TMEM39B: variants seen among roughly 807,000 people sequenced by gnomAD.
TMEM39B encodes transmembrane protein 39B.
In TMEM39B, 23 loss-of-function variants were observed where a neutral mutation model predicts 52.2. The ratio of observed to expected loss-of-function variants is 0.44; its 90% CI spans 0.32 to 0.62. TMEM39B has a LOEUF of 0.62. TMEM39B is among the 20% of genes least tolerant of loss of function. The pLI is 0.06. For synonymous variants in TMEM39B, 285 were observed against 264.0 expected (o/e 1.08, Z -0.77); for missense variants, 547 against 642.0 (o/e 0.85, Z 1.60).
chr1:32,083,525 C>T (rs546562396), intron 5 of TMEM39B, among the ~76,000 whole-genome samples: 1 of 138,028 alleles, frequency 7.2e-6, no homozygotes, highest in Non-Finnish European at 1.5e-5. Context: ...CAGTTTCAAG[C>T]GATTTTCCTG....
chr1:32,087,230 A>C (rs962387442), intron 5 of TMEM39B, among the ~76,000 whole-genome samples: 11 of 150,026 alleles, frequency 7.3e-5, no homozygotes, highest in Admixed American at 6.8e-5. Flanking sequence ...ATGCAGGAGA[A>C]TCTCTTGAAC....
At chr1:32,086,050 G>A (rs1296381179) in intron 5 of TMEM39B, among the ~76,000 whole-genome samples, 1 of 152,096 alleles carries the variant, frequency 6.6e-6, no homozygotes, top group Admixed American at 6.6e-5. Context: ...CCGTAGGCCA[G>A]AAAGGGAGTG....
chr1:32,096,687 C>G (rs1170952928), intron 7 of TMEM39B, among the ~76,000 whole-genome samples: 1 of 152,076 alleles, frequency 6.6e-6, no homozygotes, highest in Non-Finnish European at 1.5e-5. Flanking sequence ...TCTCAAACTC[C>G]TGACCTCAGG....
chr1:32,090,919 C>T (rs185572343), intron 5 of TMEM39B, among the ~76,000 whole-genome samples: 2 of 152,202 alleles, frequency 1.3e-5, no homozygotes, highest in East Asian at 1.9e-4. Flanking sequence ...GGATTACAGG[C>T]GTGAGCCACT....
intron 5 of TMEM39B, among the ~76,000 whole-genome samples, chr1:32,078,674 G>A (rs537276116): frequency 6.6e-6 from 1 of 152,098 alleles, no homozygotes; most frequent in Admixed American, 6.6e-5. Context: ...GAGACAGTCT[G>A]ATGTCACCCG....
At chr1:32,101,714 C>G (rs1445381387) in intron 8 of TMEM39B, among the ~76,000 whole-genome samples, 2 of 152,206 alleles carry the variant, frequency 1.3e-5, no homozygotes, top group African/African-American at 4.8e-5. Context: ...GCCTGATATC[C>G]TGGTCTCTTG....
intron 5 of TMEM39B, among the ~76,000 whole-genome samples, chr1:32,090,709 G>A (rs1301745070): frequency 2.0e-5 from 3 of 151,798 alleles, no homozygotes; most frequent in Non-Finnish European, 4.4e-5. Context: ...GCGCGATCTC[G>A]GCTCACTGCA....
chr1:32,073,796 T>C, intron 1 of TMEM39B: 2 of 985,334 alleles, frequency 2.0e-6, no homozygotes, highest in Non-Finnish European at 2.4e-6. Context: ...GGCTCCGAAG[T>C]GTGGGAAACG....
upstream of TMEM39B, chr1:32,072,033 T>G (rs1639673979): frequency 6.6e-6 from 1 of 152,182 alleles, no homozygotes; most frequent in South Asian, 2.1e-4. Context: ...TTCACACCAT[T>G]CCCATCTAAC....
chr1:32,076,358 G>A (rs777927109), intron 3 of TMEM39B: 6 of 334,836 alleles, frequency 1.8e-5, no homozygotes, highest in Admixed American at 3.8e-5. Flanking sequence ...TGATCCACTC[G>A]CCTCAGCCTC....
At chr1:32,073,074 G>C in intron 1 of TMEM39B, 23 bp downstream of exon 1, 6 of 1,462,858 alleles carry the variant, frequency 4.1e-6, no homozygotes, top group Non-Finnish European at 5.4e-6. Context: ...GCTCAGGCTC[G>C]GCCTGGCAAC....
chr1:32,073,923 T>TA (rs967143983), intron 1 of TMEM39B: 53 of 976,608 alleles, frequency 5.4e-5, no homozygotes, highest in Non-Finnish European at 6.3e-5. Context: ...TGTATATATA[T>TA]TTTTTAATAG....
intron 5 of TMEM39B, among the ~76,000 whole-genome samples, chr1:32,078,495 A>C (rs1018920611): frequency 3.3e-5 from 5 of 152,088 alleles, no homozygotes; most frequent in Admixed American, 3.3e-4. Flanking sequence ...AAAAAAAAAA[A>C]ACATTATAAT....
intron 3 of TMEM39B, chr1:32,076,466 C>A (rs1002936400): frequency 2.0e-6 from 1 of 491,666 alleles, no homozygotes; most frequent in Non-Finnish European, 3.8e-6. Flanking sequence ...TACATGAGTG[C>A]TTCAAGGGGA....
In TMEM39B at chr1:32,095,057, T is replaced by A. The variant is rs571558243; in HGVS notation, c.1115+86T>A. Reference sequence around the variant, plus strand: ...TTGTCCACTCGCTGATTAACTTATTTAGTTAGCAAATAGTTATTGAGCGTG... The same window carrying A: ...TTGTCCACTCGCTGATTAACTTATTAAGTTAGCAAATAGTTATTGAGCGTG... On this transcript the variant is annotated intron_variant, in intron 7 of 8. Transcript: ENST00000336294. The A allele has an allele frequency of 1.2e-5, 17 of 1,451,422 alleles. No individual in the cohort carries two copies. The African/African-American group carries it at 2.1e-4, about 18-fold the overall frequency. 89.9% of individuals were successfully genotyped at this position (1,451,422 alleles called of 1,614,324 possible).
chr1:32,074,333 A>G (rs1448591775), intron 1 of TMEM39B, among the ~76,000 whole-genome samples: 3 of 152,094 alleles, frequency 2.0e-5, no homozygotes, highest in Non-Finnish European at 2.9e-5. Context: ...ATGGGGCCCA[A>G]TGTGTACCAG....
chr1:32,088,126 CA>C (rs1335353344), intron 5 of TMEM39B, among the ~76,000 whole-genome samples: 41 of 102,696 alleles, frequency 4.0e-4, no homozygotes, highest in Admixed American at 5.0e-4. Context: ...ACTCCATCTC[CA>C]AAAAAAAAAG....
At chr1:32,099,322 G>T (rs187561151) in intron 7 of TMEM39B, among the ~76,000 whole-genome samples, 31 of 152,120 alleles carry the variant, frequency 2.0e-4, no homozygotes, top group Non-Finnish European at 3.8e-4. Context: ...ACCTGTGGTG[G>T]GGTGGGGTGG....
chr1:32,085,135 G>A (rs1640286778), intron 5 of TMEM39B, among the ~76,000 whole-genome samples: 1 of 152,104 alleles, frequency 6.6e-6, no homozygotes, highest in Admixed American at 6.6e-5. Context: ...TTAACCTGGA[G>A]ATTTGAGTAC....
Sources: allele counts gnomAD v4.1 joint callset (sites outside exome capture counted in the v4.1 genomes callset), GRCh38; gene constraint gnomAD v4.1.1; transcripts MANE v1.5; gene names NCBI Gene and HGNC (gene_info 2026-07-23, HGNC 2026-07-21).